The following ZNF804A variants were observed in gnomAD, a reference collection of about 807,000 sequenced individuals.
The protein encoded by ZNF804A is zinc finger protein 804A.
ZNF804A carries 2 observed loss-of-function variants against 16.5 expected under a neutral mutation model. That is an observed-to-expected ratio of 0.12 (90% CI 0.05 to 0.38). The LOEUF is 0.38. Ranked by LOEUF, ZNF804A falls within the 10% of genes least tolerant of loss-of-function variation. ZNF804A has a pLI of 0.99. For missense variants in ZNF804A, 1,473 were observed against 1,390.7 expected, an observed-to-expected ratio of 1.06 and a Z score of -0.94; for synonymous variants, 534 against 489.6, an observed-to-expected ratio of 1.09 and a Z score of -1.20.
At chr2:184,691,984 C>G (rs1692737865) in intron 1 of ZNF804A, among the ~76,000 whole-genome samples, 1 of 151,960 alleles carries the variant, frequency 6.6e-6, no homozygotes, top group African/African-American at 2.4e-5. Context: ...TTCTAAAGGT[C>G]TGTATTAGAT....
At chr2:184,647,428 T>A (rs1202926420) in intron 1 of ZNF804A, among the ~76,000 whole-genome samples, 1 of 152,104 alleles carries the variant, frequency 6.6e-6, no homozygotes, top group Non-Finnish European at 1.5e-5. Flanking sequence ...TGGATAAAGA[T>A]TTCACAGCTT....
At chr2:184,732,206 A>G (rs1693531471) in intron 1 of ZNF804A, among the ~76,000 whole-genome samples, 1 of 149,350 alleles carries the variant, frequency 6.7e-6, no homozygotes, top group Admixed American at 6.7e-5. Context: ...TCTGGACTCT[A>G]TTTGATTTAA....
chr2:184,772,697 C>T (rs1256582292), intron 1 of ZNF804A, among the ~76,000 whole-genome samples: 2 of 151,624 alleles, frequency 1.3e-5, no homozygotes, highest in Non-Finnish European at 2.9e-5. Flanking sequence ...AATTCTCAGA[C>T]TGCTTTCAAA....
intron 1 of ZNF804A, among the ~76,000 whole-genome samples, chr2:184,805,982 A>G (rs1359094868): frequency 6.6e-6 from 1 of 152,026 alleles, no homozygotes; most frequent in Non-Finnish European, 1.5e-5. Context: ...AAGAAGCTGA[A>G]CTAGGACTTT....
At position 184,937,779 on chromosome 2, in the gene ZNF804A, T is replaced by G. The variant is rs202021952; in HGVS notation, c.2383T>G (p.Phe795Val). Reference sequence around the variant, plus strand: ...TCGACAGAATCATTTACCAGAAGAATTTTTGAGGCCACCAAGTACTTCAGT... The same window carrying G: ...TCGACAGAATCATTTACCAGAAGAAGTTTTGAGGCCACCAAGTACTTCAGT... ...LNRQNHLPEE[F>V]LRPPSTSVAP... Residue 795 changes from phenylalanine to valine, a missense_variant, in exon 4 of 4, where the codon TTT (phenylalanine) becomes GTT (valine). By Grantham distance (50) the Phe-to-Val change is conservative. Transcript: ENST00000302277. 29 of 1,614,020 alleles carry G rather than the reference T, an allele frequency of 1.8e-5. No homozygotes were observed. Among genetic ancestry groups the G allele is most frequent in the Admixed American group, 3.3e-5 (2 of 59,964 alleles).
intron 1 of ZNF804A, among the ~76,000 whole-genome samples, chr2:184,693,344 T>A (rs938113474): frequency 1.1e-4 from 17 of 152,164 alleles, no homozygotes; most frequent in Non-Finnish European, 1.8e-4. Context: ...GTAGATAAAT[T>A]AATGTCCACA....
chr2:184,786,289 T>A (rs1036938250), intron 1 of ZNF804A, among the ~76,000 whole-genome samples: 1 of 147,590 alleles, frequency 6.8e-6, no homozygotes, highest in African/African-American at 2.5e-5. Flanking sequence ...TTCAGGTTCT[T>A]GTGTTCTTCT....
At chr2:184,652,779 G>A (rs530842140) in intron 1 of ZNF804A, among the ~76,000 whole-genome samples, 5 of 152,154 alleles carry the variant, frequency 3.3e-5, no homozygotes, top group African/African-American at 1.2e-4. Context: ...GTTATGGGAG[G>A]GACCTCATGG....
intron 1 of ZNF804A, among the ~76,000 whole-genome samples, chr2:184,653,601 AT>A (rs962555342): frequency 1.3e-5 from 2 of 152,162 alleles, no homozygotes; most frequent in African/African-American, 4.8e-5. Context: ...TTTGGGTTTT[AT>A]ATATTGGCAT....
At chr2:184,845,570 T>C (rs1255657320) in intron 1 of ZNF804A, among the ~76,000 whole-genome samples, 1 of 152,092 alleles carries the variant, frequency 6.6e-6, no homozygotes, top group African/African-American at 2.4e-5. Context: ...ATAAATTCCT[T>C]CCCCTGGCTG....
intron 1 of ZNF804A, among the ~76,000 whole-genome samples, chr2:184,656,607 T>C (rs940277408): frequency 1.1e-4 from 16 of 152,126 alleles, no homozygotes; most frequent in African/African-American, 3.9e-4. Flanking sequence ...TATATTTCTC[T>C]TCCTCAGAAC....
chr2:184,830,489 G>A (rs1695246048), intron 1 of ZNF804A, among the ~76,000 whole-genome samples: 1 of 152,136 alleles, frequency 6.6e-6, no homozygotes, highest in Non-Finnish European at 1.5e-5. Context: ...AAAGATAGAA[G>A]TAATTACTTT....
At chr2:184,912,707 C>G (rs1022615151) in intron 2 of ZNF804A, among the ~76,000 whole-genome samples, 1 of 151,972 alleles carries the variant, frequency 6.6e-6, no homozygotes, top group Admixed American at 6.6e-5. Context: ...TTACTAATGA[C>G]GTTGCACATC....
At chr2:184,862,379 T>A (rs1393320554) in intron 1 of ZNF804A, among the ~76,000 whole-genome samples, 1 of 152,192 alleles carries the variant, frequency 6.6e-6, no homozygotes, top group Non-Finnish European at 1.5e-5. Context: ...GCACATACAA[T>A]ATTGAAGTCT....
intron 1 of ZNF804A, among the ~76,000 whole-genome samples, chr2:184,848,938 G>T (rs1009055256): frequency 2.0e-5 from 3 of 152,028 alleles, no homozygotes; most frequent in African/African-American, 7.2e-5. Context: ...TAGGACAAAG[G>T]CTTGTGTGTA....
At chr2:184,878,453 G>A (rs1684748867) in intron 2 of ZNF804A, among the ~76,000 whole-genome samples, 1 of 152,012 alleles carries the variant, frequency 6.6e-6, no homozygotes, top group Admixed American at 6.6e-5. Context: ...GTGATTAGAG[G>A]AATCAGGTAT....
At chr2:184,746,432 G>A (rs1693790442) in intron 1 of ZNF804A, among the ~76,000 whole-genome samples, 1 of 150,412 alleles carries the variant, frequency 6.6e-6, no homozygotes, top group South Asian at 2.1e-4. Context: ...TACATAGTAG[G>A]TGTATATATT....
intron 1 of ZNF804A, among the ~76,000 whole-genome samples, chr2:184,722,767 G>T (rs17430987): frequency 6.6e-6 from 1 of 151,784 alleles, no homozygotes; most frequent in Non-Finnish European, 1.5e-5. Context: ...AGATGTGATC[G>T]CTAATTTAAC....
At chr2:184,626,462 CTT>C (rs1376155540) in intron 1 of ZNF804A, among the ~76,000 whole-genome samples, 2 of 152,074 alleles carry the variant, frequency 1.3e-5, no homozygotes, top group East Asian at 1.9e-4. Flanking sequence ...TTTTCATAAA[CTT>C]AAATAATTTG....
Sources: allele counts gnomAD v4.1 joint callset (sites outside exome capture counted in the v4.1 genomes callset), GRCh38; gene constraint gnomAD v4.1.1; transcripts MANE v1.5; gene names NCBI Gene and HGNC (gene_info 2026-07-23, HGNC 2026-07-21).